The following ULK4 variants were observed in gnomAD, a reference collection of about 807,000 sequenced individuals.
ULK4 encodes the protein unc-51 like kinase 4, also known as inactive serine/threonine-protein kinase ULK4.
Under a neutral mutation model 160.6 loss-of-function variants are expected in ULK4, and 133 were observed. That is an observed-to-expected ratio of 0.83 (90% confidence interval 0.72 to 0.96). The LOEUF is 0.96. Among genes scored for constraint, ULK4 ranks in the 40% least tolerant of loss-of-function variants. ULK4 has a pLI of 0.00. For synonymous variants in ULK4, 534 were observed against 539.8 expected (o/e 0.99, Z 0.15); for missense variants, 1,580 against 1,499.5 (o/e 1.05, Z -0.89).
chr3:41,555,599 G>A (rs1047152253), intron 32 of ULK4, among the ~76,000 whole-genome samples: 47 of 152,156 alleles, frequency 3.1e-4, no homozygotes, highest in Non-Finnish European at 4.9e-4. Context: ...CAGCCATTGT[G>A]GAATACTGTG....
At chr3:41,537,919 T>A (rs2086563422) in intron 32 of ULK4, among the ~76,000 whole-genome samples, 1 of 129,832 alleles carries the variant, frequency 7.7e-6, no homozygotes, top group Non-Finnish European at 1.6e-5. Flanking sequence ...ATGTCCTTTG[T>A]GGCATTTTTT....
At position 41,398,113 on chromosome 3, in the gene ULK4, T is replaced by C; in HGVS notation, c.3644A>G (p.Glu1215Gly). The C allele has an allele frequency of 1.2e-6, 2 of 1,613,208 alleles. No individual in the cohort carries two copies. Among genetic ancestry groups the C allele is most frequent in the Non-Finnish European group, 1.7e-6 (2 of 1,179,550 alleles). The change falls in exon 35 of 37, where the codon GAG becomes GGG. Residue 1215 changes from glutamate (E) to glycine (G), a missense_variant. Physicochemically the swap from Glu to Gly is moderately conservative, Grantham distance 98 (BLOSUM62 -2). Coordinates refer to ENST00000301831, the MANE Select transcript of ULK4 (RefSeq NM_017886.4). ...HLLTSKEDPKEQKLLLRILRR... is the reference protein window; with the variant it reads ...HLLTSKEDPKGQKLLLRILRR... ...GAGAATCCTTAACAGAAGCTTCTGC[T>C]CCTTTGGGTCCTCCTTGGATGTCAG...
rs529574284 is a variant in ULK4 at position 41,247,019 on chromosome 3, C to T, written c.3765-27G>A. 2.1e-5 allele frequency: 34 copies of T among 1,609,722 alleles called. No individual in the cohort carries two copies. The South Asian group carries it at 3.2e-4, about 15-fold the overall frequency. ...TGTAAGAAAAACCAAAGTAGGTACA[C>T]TTAATAGGCATCTCTAAGGTAAAGT... On this transcript the variant is annotated intron_variant, in intron 36 of 36. Transcript: ENST00000301831.
At chr3:41,923,777 G>A (rs1279339573) in intron 5 of ULK4, among the ~76,000 whole-genome samples, 4 of 152,234 alleles carry the variant, frequency 2.6e-5, no homozygotes, top group Admixed American at 6.5e-5. Context: ...CCTGTAGGTA[G>A]AGGATTCTAA....
chr3:41,604,228 G>C (rs2032257737), intron 31 of ULK4, among the ~76,000 whole-genome samples: 2 of 152,034 alleles, frequency 1.3e-5, no homozygotes, highest in Admixed American at 1.3e-4. Flanking sequence ...AATCAGGAAG[G>C]GAAAGAGAGA....
chr3:41,784,812 A>G (rs1239990739), intron 21 of ULK4, among the ~76,000 whole-genome samples: 1 of 152,208 alleles, frequency 6.6e-6, no homozygotes, highest in Non-Finnish European at 1.5e-5. Context: ...TATGATTCAG[A>G]AGAGAATAGA....
At chr3:41,410,623 G>A (rs533288505) in intron 34 of ULK4, among the ~76,000 whole-genome samples, 6 of 135,586 alleles carry the variant, frequency 4.4e-5, no homozygotes, top group African/African-American at 1.8e-4. Flanking sequence ...ATTGAATTAT[G>A]TACTTTTGAG....
Position 41,456,919 on chromosome 3 carries a change from G to A in ULK4, c.3394-1324C>T, listed in dbSNP as rs184530687. Among the ~76,000 whole-genome samples, 107 of 152,202 alleles carry A rather than the reference G, an allele frequency of 7.0e-4. 1 individual carries two copies. In the East Asian group the frequency reaches 0.017, roughly 24 times the overall value. On this transcript the variant is annotated intron_variant, in intron 33 of 36. Coordinates refer to ENST00000301831, the MANE Select transcript of ULK4 (RefSeq NM_017886.4). ...GTTCAGAAGAACTTGACTGAAAATCGGACACCTGTTTTTAACAACTTGCAC... is the reference window on the plus strand; with the variant it reads ...GTTCAGAAGAACTTGACTGAAAATCAGACACCTGTTTTTAACAACTTGCAC...
chr3:41,713,120 G>A (rs2125839473), intron 25 of ULK4, among the ~76,000 whole-genome samples: 1 of 151,622 alleles, frequency 6.6e-6, no homozygotes, highest in Admixed American at 6.6e-5. Context: ...AGTTTAGGAA[G>A]CCTTTGCCTA....
intron 32 of ULK4, among the ~76,000 whole-genome samples, chr3:41,508,709 C>G (rs1019924129): frequency 6.6e-6 from 1 of 151,990 alleles, no homozygotes; most frequent in Admixed American, 6.6e-5. Flanking sequence ...GTGGCTAGAC[C>G]CAGAATAGCA....
Position 41,559,014 on chromosome 3 carries a change from T to C in ULK4, c.3226+7011A>G, listed in dbSNP as rs182656632. Among the ~76,000 whole-genome samples, 48 of 134,066 alleles carry C rather than the reference T, an allele frequency of 3.6e-4. 3 individuals are homozygous for C. Among genetic ancestry groups the C allele is most frequent in the African/African-American group, 8.2e-4 (32 of 39,210 alleles). 88.0% of individuals were successfully genotyped at this position (134,066 alleles called of 152,430 possible). On this transcript the variant is annotated intron_variant, in intron 32 of 36. Coordinates refer to ENST00000301831, the MANE Select transcript of ULK4 (RefSeq NM_017886.4). ...TAACATTAGGTGTATCTCCTAATGC[T>C]ATCCCTCCCCCCTACCCCCACCCCA...
At chr3:41,515,306 A>G (rs1244609067) in intron 32 of ULK4, among the ~76,000 whole-genome samples, 1 of 152,130 alleles carries the variant, frequency 6.6e-6, no homozygotes, top group African/African-American at 2.4e-5. Context: ...AAACTGATAT[A>G]AACAGATATA....
intron 28 of ULK4, 38 bp from the exon 29 acceptor site, chr3:41,681,690 T>G (rs575736081): frequency 6.2e-6 from 10 of 1,613,706 alleles, no homozygotes; most frequent in Middle Eastern, 1.6e-4. Flanking sequence ...TGTGACTCCA[T>G]GGAGACAGAA....
chr3:41,742,212 A>G (rs1575635834), intron 22 of ULK4, among the ~76,000 whole-genome samples: 2 of 152,096 alleles, frequency 1.3e-5, no homozygotes, highest in South Asian at 4.1e-4. Flanking sequence ...AAGTACAGGC[A>G]AAGCAGAATA....
intron 17 of ULK4, among the ~76,000 whole-genome samples, chr3:41,858,509 ATTTTTTT>A (rs552326948): frequency 4.8e-5 from 6 of 124,508 alleles, no homozygotes; most frequent in Non-Finnish European, 1.0e-4. Flanking sequence ...AAATTTTTCA[ATTTTTTT>A]TTTTTTTTTT....
chr3:41,550,228 C>A (rs1420046100), intron 32 of ULK4, among the ~76,000 whole-genome samples: 1 of 151,760 alleles, frequency 6.6e-6, no homozygotes, highest in Non-Finnish European at 1.5e-5. Context: ...AAGAAAGAAA[C>A]AAAAGATATG....
intron 35 of ULK4, among the ~76,000 whole-genome samples, chr3:41,379,013 T>C (rs1357516664): frequency 6.6e-6 from 1 of 151,552 alleles, no homozygotes; most frequent in African/African-American, 2.4e-5. Flanking sequence ...AATGAGAGCA[T>C]ATGTTCACAG....
intron 35 of ULK4, among the ~76,000 whole-genome samples, chr3:41,348,206 C>CAAAAAAAAAAAAAAAAAA (rs1197234650): frequency 1.3e-4 from 3 of 22,964 alleles, no homozygotes; most frequent in African/African-American, 3.4e-4. Flanking sequence ...AACTCTGTCT[C>CAAAAAAAAAAAAAAAAAA]AAAAAAAAAA....
intron 19 of ULK4, among the ~76,000 whole-genome samples, chr3:41,813,164 G>C (rs191009366): frequency 1.4e-4 from 21 of 152,124 alleles, no homozygotes; most frequent in Non-Finnish European, 2.6e-4. Flanking sequence ...GGGCAGGTGG[G>C]GGAGGAGCAT....
Sources: gnomAD v4.1 joint callset for allele counts (sites outside exome capture counted in the v4.1 genomes callset) on GRCh38, gnomAD v4.1.1 for gene constraint, MANE v1.5 for transcripts, NCBI Gene and HGNC (gene_info 2026-07-23, HGNC 2026-07-21) for gene names.